KCND2: variants seen among roughly 807,000 people sequenced by gnomAD.
KCND2 encodes potassium voltage-gated channel subfamily D member 2.
KCND2 carries 16 observed loss-of-function variants against 54.4 expected under a neutral mutation model. The observed-to-expected ratio is 0.29, with a 90% CI of 0.20 to 0.45. KCND2 has a LOEUF of 0.45. Among genes scored for constraint, KCND2 ranks in the 20% least tolerant of loss-of-function variants. The probability of loss-of-function intolerance (pLI) is 1.00; values close to 1 mark genes in which losing one functional copy is unlikely to be tolerated. For synonymous variants in KCND2, 317 were observed against 310.7 expected, an observed-to-expected ratio of 1.02 and a Z score of -0.21; for missense variants, 486 against 824.2, an observed-to-expected ratio of 0.59 and a Z score of 5.02.
intron 1 of KCND2, among the ~76,000 whole-genome samples, chr7:120,527,500 A>G (rs1791790915): frequency 6.6e-6 from 1 of 152,126 alleles, no homozygotes; most frequent in African/African-American, 2.4e-5. Context: ...TGAAATGTGA[A>G]TTTAACACAT....
At chr7:120,713,970 T>G (rs1005586879) in intron 1 of KCND2, among the ~76,000 whole-genome samples, 1 of 152,188 alleles carries the variant, frequency 6.6e-6, no homozygotes, top group Admixed American at 6.6e-5. Flanking sequence ...AACATTTTTC[T>G]CTTTGCAATA....
intron 1 of KCND2, among the ~76,000 whole-genome samples, chr7:120,557,681 T>A (rs933991519): frequency 3.3e-5 from 5 of 152,132 alleles, no homozygotes; most frequent in Non-Finnish European, 7.4e-5. Flanking sequence ...TAGATCTATA[T>A]TGTTAATTGA....
intron 1 of KCND2, among the ~76,000 whole-genome samples, chr7:120,469,018 C>A (rs1178325902): frequency 5.7e-5 from 5 of 87,956 alleles, no homozygotes; most frequent in Middle Eastern, 8.6e-3. Flanking sequence ...GGTGTGGATA[C>A]ACACACACAC....
chr7:120,348,221 C>A (rs2116378200), intron 1 of KCND2, among the ~76,000 whole-genome samples: 1 of 152,160 alleles, frequency 6.6e-6, no homozygotes, highest in South Asian at 2.1e-4. Context: ...CTCTTAGTTG[C>A]CCTACAACCC....
At chr7:120,430,504 G>T (rs1801773274) in intron 1 of KCND2, among the ~76,000 whole-genome samples, 1 of 151,702 alleles carries the variant, frequency 6.6e-6, no homozygotes, top group African/African-American at 2.4e-5. Context: ...TAGCTACTCG[G>T]GAGGCTGAAG....
intron 1 of KCND2, among the ~76,000 whole-genome samples, chr7:120,283,789 T>G (rs1352416311): frequency 6.6e-6 from 1 of 152,204 alleles, no homozygotes; most frequent in Non-Finnish European, 1.5e-5. Context: ...TTCATTCCTT[T>G]TTTGTCACTT....
intron 1 of KCND2, among the ~76,000 whole-genome samples, chr7:120,363,242 G>A (rs1236125933): frequency 7.2e-5 from 11 of 152,054 alleles, no homozygotes; most frequent in African/African-American, 1.2e-4. Flanking sequence ...GTTGTAATGA[G>A]CTTTTATTGT....
chr7:120,303,993 T>C (rs1799617949), intron 1 of KCND2, among the ~76,000 whole-genome samples: 1 of 152,154 alleles, frequency 6.6e-6, no homozygotes, highest in Non-Finnish European at 1.5e-5. Context: ...AATGGTGCCT[T>C]TAGTTGCATT....
intron 1 of KCND2, among the ~76,000 whole-genome samples, chr7:120,508,464 C>T (rs773493609): frequency 2.6e-5 from 4 of 151,914 alleles, no homozygotes; most frequent in Non-Finnish European, 5.9e-5. Flanking sequence ...AGGAAGGTAG[C>T]TGTAGATATA....
intron 1 of KCND2, among the ~76,000 whole-genome samples, chr7:120,571,339 C>G (rs1361584255): frequency 6.6e-6 from 1 of 152,044 alleles, no homozygotes; most frequent in Non-Finnish European, 1.5e-5. Flanking sequence ...TGAATTAAAA[C>G]CAAAATCCAA....
At chr7:120,612,189 G>C (rs909146659) in intron 1 of KCND2, among the ~76,000 whole-genome samples, 1 of 152,164 alleles carries the variant, frequency 6.6e-6, no homozygotes, top group Non-Finnish European at 1.5e-5. Flanking sequence ...GTATATCAAG[G>C]GTTGGTGAAC....
intron 1 of KCND2, among the ~76,000 whole-genome samples, chr7:120,664,324 C>A (rs1479446787): frequency 1.3e-5 from 2 of 152,070 alleles, no homozygotes; most frequent in African/African-American, 4.8e-5. Context: ...TGAATATAGT[C>A]ATTAGTACAT....
At chr7:120,602,498 C>T (rs1157392491) in intron 1 of KCND2, among the ~76,000 whole-genome samples, 1 of 152,170 alleles carries the variant, frequency 6.6e-6, no homozygotes, top group Non-Finnish European at 1.5e-5. Context: ...TATGGCGATG[C>T]TGAGCAGAGA....
At chr7:120,477,710 A>C (rs9641640) in intron 1 of KCND2, among the ~76,000 whole-genome samples, 15,344 of 152,144 alleles carry the variant, frequency 0.1, 1,200 homozygotes, top group East Asian at 0.45. Flanking sequence ...GGCTGGGAGA[A>C]GGGTCTGCAG....
chr7:120,454,792 C>G (rs929357458), intron 1 of KCND2, among the ~76,000 whole-genome samples: 16 of 152,278 alleles, frequency 1.1e-4, no homozygotes, highest in Middle Eastern at 3.4e-3. Flanking sequence ...CTCATAGTCT[C>G]TGTCCAAAAC....
rs548835079 is a variant in KCND2, at chr7:120,723,336, G to A, written c.1116-9567G>A. Among the ~76,000 whole-genome samples, 3 of 152,262 alleles carry A rather than the reference G, an allele frequency of 2.0e-5. No homozygotes were observed. The South Asian group carries it at 6.2e-4, about 32-fold the overall frequency. ...ATACTCACAAGGTTTAACCAGAGAG[G>A]ATCTTGTTAAGAAAAATAACTACCA... On this transcript the variant is annotated intron_variant, in intron 1 of 5. Transcript: ENST00000331113.
chr7:120,662,780 G>A (rs1584874012), intron 1 of KCND2, among the ~76,000 whole-genome samples: 1 of 152,200 alleles, frequency 6.6e-6, no homozygotes, highest in Non-Finnish European at 1.5e-5. Flanking sequence ...AAGCTGGAAA[G>A]TGAGGATGGA....
At chr7:120,296,988 AT>A (rs1376332957) in intron 1 of KCND2, among the ~76,000 whole-genome samples, 4 of 152,158 alleles carry the variant, frequency 2.6e-5, no homozygotes, top group African/African-American at 9.6e-5. Flanking sequence ...AATTTGACAT[AT>A]TTTTATGATA....
chr7:120,594,935 G>A (rs1272898584), intron 1 of KCND2, among the ~76,000 whole-genome samples: 1 of 151,002 alleles, frequency 6.6e-6, no homozygotes, highest in African/African-American at 2.4e-5. Flanking sequence ...CAGGAGAATC[G>A]CTTAAACCCG....
Sources: gnomAD v4.1 joint callset for allele counts (sites outside exome capture counted in the v4.1 genomes callset) on GRCh38, gnomAD v4.1.1 for gene constraint, MANE v1.5 for transcripts, NCBI Gene and HGNC (gene_info 2026-07-23, HGNC 2026-07-21) for gene names.